LZTS3: variants seen among roughly 807,000 people sequenced by gnomAD.
LZTS3 encodes leucine zipper putative tumor suppressor 3.
A neutral mutation model predicts 50.9 loss-of-function variants in LZTS3; 16 were observed. The ratio of observed to expected loss-of-function variants is 0.31; its 90% CI spans 0.21 to 0.48. The LOEUF (loss-of-function observed/expected upper bound fraction) is 0.48. Among genes scored for constraint, LZTS3 ranks in the 20% least tolerant of loss-of-function variants. The probability of loss-of-function intolerance (pLI) is 0.99; values close to 1 mark genes in which losing one functional copy is unlikely to be tolerated. For synonymous variants in LZTS3, 408 were observed against 410.6 expected, an observed-to-expected ratio of 0.99 and a Z score of 0.08; for missense variants, 816 against 931.0, an observed-to-expected ratio of 0.88 and a Z score of 1.61.
At position 3,165,236 on chromosome 20, in the gene LZTS3, G is replaced by T. The variant is rs1416220828; in HGVS notation, c.1324-84C>A. The T allele has an allele frequency of 7.4e-7, 1 of 1,347,412 alleles. No homozygotes were observed. The highest frequency in any genetic ancestry group is 9.8e-7 in the Non-Finnish European group (1 of 1,018,798). The allele number at this position is 1,347,412 out of a possible 1,614,324, so 83.5% of individuals were successfully genotyped here. A position where few individuals can be genotyped will look rare whatever the true frequency, so the allele number is the denominator to read the frequency against. On this transcript the variant is annotated intron_variant, in intron 4 of 4. Transcript: ENST00000337576. The surrounding 1 kb of genome is among the most constrained non-coding windows in gnomAD (Gnocchi z 5.0). Reference sequence around the variant, plus strand: ...CCCAGCTACCAGATCTGGAGCCAGGGGCACCAAGCTTCCCGGGGCTGCAGG... The same window carrying T: ...CCCAGCTACCAGATCTGGAGCCAGGTGCACCAAGCTTCCCGGGGCTGCAGG...
rs2066753670 is a variant in LZTS3 at position 3,162,835 on chromosome 20, G to A, written c.*1619C>T. The A allele has an allele frequency of 2.0e-5, 3 of 152,546 alleles. No individual in the cohort carries two copies. The highest frequency in any genetic ancestry group is 7.2e-5 in the African/African-American group (3 of 41,434). The allele number at this position is 152,546 out of a possible 1,614,324, so 9.4% of individuals were successfully genotyped here. A position where few individuals can be genotyped will look rare whatever the true frequency, so the allele number is the denominator to read the frequency against. On this transcript the variant is annotated 3_prime_UTR_variant, in exon 5 of 5. Coordinates refer to ENST00000337576, the MANE Select transcript of LZTS3 (RefSeq NM_001365618.1). This position sits in a 1 kb window ranked among gnomAD's most constrained non-coding sequence, Gnocchi z 5.0. ...CTGTGGCCTAGGCCCAGGTTCTAGGGCAGGTACAGTGAGGGGTGAATGGAA... is the reference window on the plus strand; with the variant it reads ...CTGTGGCCTAGGCCCAGGTTCTAGGACAGGTACAGTGAGGGGTGAATGGAA...
In LZTS3 at chr20:3,165,581, C is replaced by A. The variant is rs1184127375; in HGVS notation, c.1239G>T (p.Gln413His). ...LQEEAARLMR[Q>H]REELEDKVAA... is the part of the protein sequence containing the mutation. ...CCACCTTGTCCTCCAGCTCTTCCCG[C>A]TGCCGCATCAGCCGGGCCGCCTCCT... Residue 413 changes from glutamine to histidine, a missense_variant, in exon 4 of 5, where the codon CAG becomes CAT. By Grantham distance (24) the Gln-to-His change is conservative. Coordinates refer to ENST00000337576, the MANE Select transcript of LZTS3 (RefSeq NM_001365618.1). The surrounding 1 kb of genome is among the most constrained non-coding windows in gnomAD (Gnocchi z 5.0). The A allele has an allele frequency of 1.9e-6, 3 of 1,596,280 alleles. No homozygotes were observed. The highest frequency in any genetic ancestry group is 2.7e-5 in the African/African-American group (2 of 74,908).
Position 3,165,413 on chromosome 20 carries a change from T to C in LZTS3, c.1323+84A>G. Reference sequence around the variant, plus strand: ...TTCATCCCCCCCCCCATCCCACCGTTATGATAGTGAGGGGCAACTGCTCTG... The same window carrying C: ...TTCATCCCCCCCCCCATCCCACCGTCATGATAGTGAGGGGCAACTGCTCTG... On this transcript the variant is annotated intron_variant, in intron 4 of 4. Coordinates refer to ENST00000337576, the MANE Select transcript of LZTS3 (RefSeq NM_001365618.1). This position sits in a 1 kb window ranked among gnomAD's most constrained non-coding sequence, Gnocchi z 5.0. 1.3e-6 allele frequency: 1 copy of C among 779,542 alleles called. No individual in the cohort carries two copies. 48.3% of individuals were successfully genotyped at this position (779,542 alleles called of 1,614,324 possible). A position where few individuals can be genotyped will look rare whatever the true frequency, so the allele number is the denominator to read the frequency against.
chr20:3,165,405 C>CCAAA lies in LZTS3; in HGVS notation c.1323+91_1323+92insTTTG. On this transcript the variant is annotated intron_variant, in intron 4 of 4. Transcript: ENST00000337576. This position sits in a 1 kb window ranked among gnomAD's most constrained non-coding sequence, Gnocchi z 5.0. ...CTGCTCCTTTCATCCCCCCCCCCATCCCACCGTTATGATAGTGAGGGGCAA... is the reference window on the plus strand; with the variant it reads ...CTGCTCCTTTCATCCCCCCCCCCATCCAAACCACCGTTATGATAGTGAGGGGCAA... The CCAAA allele has an allele frequency of 1.7e-6, 2 of 1,160,972 alleles. No homozygotes were observed. Among genetic ancestry groups the CCAAA allele is most frequent in the Non-Finnish European group, 2.3e-6 (2 of 868,694 alleles). The allele number at this position is 1,160,972 out of a possible 1,614,324, so 71.9% of individuals were successfully genotyped here. A position where few individuals can be genotyped will look rare whatever the true frequency, so the allele number is the denominator to read the frequency against.
chr20:3,166,877 G>A lies in LZTS3; in HGVS notation c.287C>T (p.Ser96Phe). 6.2e-7 allele frequency: 1 copy of A among 1,613,672 alleles called. No homozygotes were observed. ...YPSEDKGLANSLYLNGELRGS... is the reference protein window; with the variant it reads ...YPSEDKGLANFLYLNGELRGS... ...CCGCAGCTCACCATTGAGGTAGAGG[G>A]AGTTGGCGAGACCCTTGTCCTCTGA... The change falls in exon 3 of 5, where the codon TCC (serine) becomes TTC (phenylalanine). Residue 96 changes from serine (S) to phenylalanine (F), a missense_variant. Around this residue, in one of 3 missense-constraint regions of LZTS3, gnomAD observed 700 missense variants for 769.4 expected, o/e 0.91. Transcript: ENST00000337576.
chr20:3,167,109 G>T lies in LZTS3; in HGVS notation c.55C>A (p.Leu19Met). 2.0e-6 allele frequency: 3 copies of T among 1,526,130 alleles called. No homozygotes were observed. The highest frequency in any genetic ancestry group is 2.6e-6 in the Non-Finnish European group (3 of 1,139,514). The allele number at this position is 1,526,130 out of a possible 1,614,324, so 94.5% of individuals were successfully genotyped here. A position where few individuals can be genotyped will look rare whatever the true frequency, so the allele number is the denominator to read the frequency against. Residue 19 changes from leucine (L) to methionine (M), a missense_variant, in exon 3 of 5, where the codon CTG (leucine) becomes ATG (methionine). Leu to Met is a conservative substitution (Grantham distance 15). Around this residue, in one of 3 missense-constraint regions of LZTS3, gnomAD observed 700 missense variants for 769.4 expected, o/e 0.91. Coordinates refer to ENST00000337576, the MANE Select transcript of LZTS3 (RefSeq NM_001365618.1). ...TCGGAGGGCCGTGGGGCAAAGGCCA[G>T]GAGAGGATCCCGCCCTGGGTCAGCG... Reference protein sequence around the residue: ...VRADPGRDPLLAFAPRPSELG... With the variant: ...VRADPGRDPLMAFAPRPSELG...
rs1489903766 is a variant in LZTS3 at position 3,166,861 on chromosome 20, A to G, written c.303T>C (p.Gly101=). 1 of 1,613,364 alleles carries G rather than the reference A, an allele frequency of 6.2e-7. No homozygotes were observed. Among genetic ancestry groups the G allele is most frequent in the Non-Finnish European group, 8.5e-7 (1 of 1,179,806 alleles). The change falls in exon 3 of 5, where the codon GGT becomes GGC. Residue 101 remains glycine (G), a synonymous_variant. Transcript: ENST00000337576. ...CGGTGTGGTCACTGCCCCGCAGCTC[A>G]CCATTGAGGTAGAGGGAGTTGGCGA... ...KGLANSLYLN[G]ELRGSDHTDV...
In LZTS3 at chr20:3,164,678, C is replaced by G. The variant is rs753123651; in HGVS notation, c.1798G>C (p.Glu600Gln). 6.2e-7 allele frequency: 1 copy of G among 1,608,970 alleles called. No homozygotes were observed. Among genetic ancestry groups the G allele is most frequent in the Non-Finnish European group, 8.5e-7 (1 of 1,177,986 alleles). Residue 600 changes from glutamate to glutamine, a missense_variant, in exon 5 of 5, where the codon GAG (glutamate) becomes CAG (glutamine). Physicochemically the swap from Glu to Gln is conservative, Grantham distance 29 (BLOSUM62 2). Around this residue, in one of 3 missense-constraint regions of LZTS3, gnomAD observed 107 missense variants for 130.4 expected, o/e 0.82. Coordinates refer to ENST00000337576, the MANE Select transcript of LZTS3 (RefSeq NM_001365618.1). Reference protein sequence around the residue: ...ARERQGASFAEERRVWLEEKE... With the variant: ...ARERQGASFAQERRVWLEEKE... Reference sequence around the variant, plus strand: ...TCCTCCAGCCACACGCGGCGCTCCTCGGCGAAGCTGGCACCCTGGCGCTCC... The same window carrying G: ...TCCTCCAGCCACACGCGGCGCTCCTGGGCGAAGCTGGCACCCTGGCGCTCC...
chr20:3,172,949 G>A (rs968393026), intron 1 of LZTS3, among the ~76,000 whole-genome samples: 2 of 152,074 alleles, frequency 1.3e-5, no homozygotes, highest in Non-Finnish European at 2.9e-5. Context: ...CCATCACCTA[G>A]CTACTGGCTC....
chr20:3,165,158 C>T lies in LZTS3; in HGVS notation c.1324-6G>A. On this transcript the variant is annotated splice_polypyrimidine_tract_variant and splice_region_variant and intron_variant, in intron 4 of 4. Coordinates refer to ENST00000337576, the MANE Select transcript of LZTS3 (RefSeq NM_001365618.1). The surrounding 1 kb of genome is among the most constrained non-coding windows in gnomAD (Gnocchi z 5.0). ...TCGCCAGCCTTCTGGCACACCTGGG[C>T]AGGAACAGGTGAGAGGAGAAGCCAG... 6.5e-7 allele frequency: 1 copy of T among 1,549,238 alleles called. No individual in the cohort carries two copies. The highest frequency in any genetic ancestry group is 8.7e-7 in the Non-Finnish European group (1 of 1,148,310).
At position 3,164,070 on chromosome 20, in the gene LZTS3, C is replaced by G. The variant is rs2066767599; in HGVS notation, c.*384G>C. The stretch of plus-strand genomic sequence containing the variant: ...CCTAGGAGGTGAGCACAGAGAGCAT[C>G]ACTAGACACAGGGTGGCCAACAGTA... On this transcript the variant is annotated 3_prime_UTR_variant, in exon 5 of 5. Transcript: ENST00000337576. 1 of 187,592 alleles carries G rather than the reference C, an allele frequency of 5.3e-6. No individual in the cohort carries two copies. The highest frequency in any genetic ancestry group is 1.1e-5 in the Non-Finnish European group (1 of 92,806). 11.6% of individuals were successfully genotyped at this position (187,592 alleles called of 1,614,324 possible).
At chr20:3,170,498 A>AC (rs1207418181) in intron 1 of LZTS3, among the ~76,000 whole-genome samples, 5 of 150,082 alleles carry the variant, frequency 3.3e-5, no homozygotes, top group East Asian at 2.0e-4. Context: ...AAAAAAAAAA[A>AC]AAAAAAAACA....
At position 3,164,699 on chromosome 20, in the gene LZTS3, G is replaced by A. The variant is rs1369306276; in HGVS notation, c.1777C>T (p.Arg593Cys). The A allele has an allele frequency of 1.9e-6, 3 of 1,574,932 alleles. No individual in the cohort carries two copies. The highest frequency in any genetic ancestry group is 2.6e-6 in the Non-Finnish European group (3 of 1,162,250). The change falls in exon 5 of 5, where the codon CGC becomes TGC. Residue 593 changes from arginine to cysteine, a missense_variant. Arg to Cys is a radical substitution (Grantham distance 180). Transcript: ENST00000337576. ...TCCTCGGCGAAGCTGGCACCCTGGC[G>A]CTCCCGGGCCCGCCGCTCAGCCGCC... ...ELAAERRARE[R>C]QGASFAEERR... is the part of the protein sequence containing the mutation.
intron 1 of LZTS3, among the ~76,000 whole-genome samples, chr20:3,169,880 A>T (rs1251405938): frequency 3.3e-4 from 1 of 3,026 alleles, no homozygotes; most frequent in African/African-American, 6.1e-4. Flanking sequence ...CTCTTTCCTT[A>T]AAAAAAAAAA....
At position 3,165,853 on chromosome 20, in the gene LZTS3, C is replaced by G; in HGVS notation, c.967G>C (p.Glu323Gln). Residue 323 changes from glutamate to glutamine, a missense_variant, in exon 4 of 5, where the codon GAG becomes CAG. By Grantham distance (29) the Glu-to-Gln change is conservative (BLOSUM62 2). This residue lies in a region of LZTS3 where 700 missense variants were observed against 769.4 expected (regional missense o/e 0.91). Coordinates refer to ENST00000337576, the MANE Select transcript of LZTS3 (RefSeq NM_001365618.1). The surrounding 1 kb of genome is among the most constrained non-coding windows in gnomAD (Gnocchi z 5.0). ...TTCTCCCACAGCCGCTCCTCCAGCT[C>G]CTGGATGAGTGCACTGGGGGAGGGC... ...SPPSPSALIQELEERLWEKEQ... is the reference protein window; with the variant it reads ...SPPSPSALIQQLEERLWEKEQ... 6.2e-7 allele frequency: 1 copy of G among 1,605,806 alleles called. No individual in the cohort carries two copies. Among genetic ancestry groups the G allele is most frequent in the South Asian group, 1.1e-5 (1 of 91,008 alleles).
At chr20:3,169,850 G>A (rs147158127) in intron 1 of LZTS3, among the ~76,000 whole-genome samples, 17,507 of 139,546 alleles carry the variant, frequency 0.13, 1,427 homozygotes, top group Non-Finnish European at 0.18. Flanking sequence ...CTGCACTCCA[G>A]CCTGGGTGAC....
chr20:3,165,470 G>GTCC lies in LZTS3; in HGVS notation c.1323+26_1323+27insGGA, dbSNP rs758669985. 45 of 1,513,600 alleles carry GTCC rather than the reference G, an allele frequency of 3.0e-5. No individual in the cohort carries two copies. Among genetic ancestry groups the GTCC allele is most frequent in the Non-Finnish European group, 3.8e-5 (43 of 1,137,522 alleles). The allele number at this position is 1,513,600 out of a possible 1,614,324, so 93.8% of individuals were successfully genotyped here. Reference sequence around the variant, plus strand: ...CCCAGAGGGACAGAAGGGAGGCAGAGGGGAGGCCCAGATCCCCAGCCCGCA... The same window carrying GTCC: ...CCCAGAGGGACAGAAGGGAGGCAGAGTCCGGGAGGCCCAGATCCCCAGCCCGCA... On this transcript the variant is annotated intron_variant, in intron 4 of 4. Transcript: ENST00000337576. The surrounding 1 kb of genome is among the most constrained non-coding windows in gnomAD (Gnocchi z 5.0).
Position 3,166,321 on chromosome 20 carries a change from C to T in LZTS3, c.499G>A (p.Val167Ile). Reference sequence around the variant, plus strand: ...ATGGAGTGGAAATTCTTGGGTACGACAGGCTTGAAGGCCGACGGCCGAACT... The same window carrying T: ...ATGGAGTGGAAATTCTTGGGTACGATAGGCTTGAAGGCCGACGGCCGAACT... ...PLVRPSAFKP[V>I]VPKNFHSMQN... The change falls in exon 4 of 5, where the codon GTC (valine) becomes ATC (isoleucine). Residue 167 changes from valine to isoleucine, a missense_variant. This residue lies in a region of LZTS3 where 700 missense variants were observed against 769.4 expected (regional missense o/e 0.91). Transcript: ENST00000337576. The T allele has an allele frequency of 6.2e-7, 1 of 1,613,634 alleles. No homozygotes were observed. Among genetic ancestry groups the T allele is most frequent in the South Asian group, 1.1e-5 (1 of 91,022 alleles).
At chr20:3,168,794 C>T (rs1326461779) in intron 1 of LZTS3, among the ~76,000 whole-genome samples, 2 of 152,194 alleles carry the variant, frequency 1.3e-5, no homozygotes, top group African/African-American at 4.8e-5. Context: ...AGGCAGGGAG[C>T]CCTCCTTCCC....
Sources: gnomAD v4.1 joint callset for allele counts (sites outside exome capture counted in the v4.1 genomes callset) on GRCh38, gnomAD v4.1.1 for gene constraint, gnomAD v4.1.1 regional missense constraint, Gnocchi (gnomAD v3.1) non-coding constraint, MANE v1.5 for transcripts, NCBI Gene and HGNC (gene_info 2026-07-23, HGNC 2026-07-21) for gene names.